The following RASGRP3 variants were observed in gnomAD, a reference collection of about 807,000 sequenced individuals.
RASGRP3 encodes RAS guanyl releasing protein 3.
A neutral mutation model predicts 82.7 loss-of-function variants in RASGRP3; 54 were observed. That is an observed-to-expected ratio of 0.65 (90% CI 0.52 to 0.82). The LOEUF (loss-of-function observed/expected upper bound fraction) is 0.82. RASGRP3 is among the 40% of genes least tolerant of loss of function. RASGRP3 has a pLI of 0.00. For missense variants in RASGRP3, 861 were observed against 828.9 expected (o/e 1.04, Z -0.48); for synonymous variants, 309 against 300.5 (o/e 1.03, Z -0.29).
chr2:33,504,433 C>T (rs1293048280), intron 1 of RASGRP3, among the ~76,000 whole-genome samples: 1 of 152,190 alleles, frequency 6.6e-6, no homozygotes, highest in South Asian at 2.1e-4. Context: ...CTCTACACCT[C>T]CAGCCTATTG....
chr2:33,534,005 G>T, intron 10 of RASGRP3: 3 of 285,402 alleles, frequency 1.1e-5, no homozygotes, highest in East Asian at 6.6e-5. Context: ...CTTATTGTTT[G>T]CATCTGTCCC....
chr2:33,558,432 C>T, intron 16 of RASGRP3, 96 bp downstream of exon 16: 1 of 1,573,002 alleles, frequency 6.4e-7, no homozygotes. Context: ...CCCGGTCAGT[C>T]ACTCTAAACG....
At chr2:33,493,223 T>G (rs1669009978) in intron 1 of RASGRP3, 1 of 152,250 alleles carries the variant, frequency 6.6e-6, no homozygotes, top group Admixed American at 6.5e-5. Context: ...CCTAAACAAC[T>G]GACAATGTGG....
intron 2 of RASGRP3, among the ~76,000 whole-genome samples, chr2:33,450,264 C>A (rs762171621): frequency 6.6e-6 from 1 of 152,058 alleles, no homozygotes; most frequent in Non-Finnish European, 1.5e-5. Flanking sequence ...TAAGATATAT[C>A]CTCTTAGCAA....
chr2:33,468,002 TTCTTTCTTTC>T (rs1666814086), intron 2 of RASGRP3, among the ~76,000 whole-genome samples: 3 of 123,316 alleles, frequency 2.4e-5, no homozygotes, highest in Non-Finnish European at 4.6e-5. Flanking sequence ...CTTTCTTTCT[TTCTTTCTTTC>T]TTTCTTTCTT....
chr2:33,491,036 G>T (rs1051177248), intron 1 of RASGRP3, among the ~76,000 whole-genome samples: 6 of 152,164 alleles, frequency 3.9e-5, no homozygotes, highest in East Asian at 1.9e-4. Flanking sequence ...AACATTTAGA[G>T]CAGGCACGGT....
Position 33,558,672 on chromosome 2 carries a change from C to A in RASGRP3, c.1706C>A (p.Ala569Glu). Residue 569 changes from alanine (A) to glutamate (E), a missense_variant and splice_region_variant, in exon 17 of 18, where the codon GCG (alanine) becomes GAG (glutamate). Physicochemically the swap from Ala to Glu is moderately radical, Grantham distance 107 (BLOSUM62 -1). Transcript: ENST00000403687. ...SLPGSPSLPP[A>E]QDEVFEFPGV... ...AATCACCACCCTTTTTCACTTCCAG[C>A]GCAGGATGAGGTGTTTGAGTTCCCT... The A allele has an allele frequency of 6.3e-7, 1 of 1,587,324 alleles. No homozygotes were observed. The highest frequency in any genetic ancestry group is 8.6e-7 in the Non-Finnish European group (1 of 1,167,672).
chr2:33,483,280 G>A (rs1271607363), intron 1 of RASGRP3, among the ~76,000 whole-genome samples: 2 of 151,982 alleles, frequency 1.3e-5, no homozygotes, highest in Non-Finnish European at 2.9e-5. Flanking sequence ...GTTGGTTCAG[G>A]TGGATCGATC....
rs1676913424 is a variant in RASGRP3, at chr2:33,563,451, G to T, written c.*714G>T. ...CTGCGTCACTAGGAAGCTATAGCAT[G>T]GTCGTGAAAGCTCTCCTAATACTTA... On this transcript the variant is annotated 3_prime_UTR_variant, in exon 18 of 18. Coordinates refer to ENST00000403687, the MANE Select transcript of RASGRP3 (RefSeq NM_001139488.2). 1 of 151,850 alleles carries T rather than the reference G, an allele frequency of 6.6e-6. No homozygotes were observed. Among genetic ancestry groups the T allele is most frequent in the African/African-American group, 2.4e-5 (1 of 41,410 alleles). 9.4% of individuals were successfully genotyped at this position (151,850 alleles called of 1,614,324 possible). A position where few individuals can be genotyped will look rare whatever the true frequency, so the allele number is the denominator to read the frequency against.
intron 1 of RASGRP3, among the ~76,000 whole-genome samples, chr2:33,506,373 G>C (rs1670381582): frequency 6.6e-6 from 1 of 152,182 alleles, no homozygotes; most frequent in African/African-American, 2.4e-5. Flanking sequence ...CTAGTAACAT[G>C]ATACTGGACA....
chr2:33,516,300 C>T (rs1022471616), intron 3 of RASGRP3, among the ~76,000 whole-genome samples: 2 of 152,096 alleles, frequency 1.3e-5, no homozygotes, highest in South Asian at 2.1e-4. Flanking sequence ...CCCAGCTACT[C>T]AGGAGGCTGA....
At chr2:33,449,194 A>G (rs1325228639) in intron 2 of RASGRP3, among the ~76,000 whole-genome samples, 1 of 152,224 alleles carries the variant, frequency 6.6e-6, no homozygotes, top group East Asian at 1.9e-4. Context: ...CAGACATAAG[A>G]TCAGGTGCAT....
intron 2 of RASGRP3, among the ~76,000 whole-genome samples, chr2:33,460,575 C>T (rs891831054): frequency 4.0e-5 from 6 of 149,970 alleles, no homozygotes; most frequent in East Asian, 2.0e-4. Context: ...AGTGCAATGG[C>T]GCGATCTCGG....
At chr2:33,469,121 G>A (rs184116638) in intron 2 of RASGRP3, among the ~76,000 whole-genome samples, 1 of 152,196 alleles carries the variant, frequency 6.6e-6, no homozygotes, top group East Asian at 1.9e-4. Context: ...ACTTTTTCAT[G>A]TGTAGATTGG....
intron 12 of RASGRP3, 129 bp from the exon 13 acceptor site, chr2:33,543,383 T>C (rs1674449565): frequency 1.7e-6 from 1 of 596,290 alleles, no homozygotes; most frequent in Non-Finnish European, 2.9e-6. Flanking sequence ...CTTCTTGACT[T>C]AGTTATCTTT....
At chr2:33,440,687 C>A (rs140786609) in intron 1 of RASGRP3, among the ~76,000 whole-genome samples, 1 of 152,098 alleles carries the variant, frequency 6.6e-6, no homozygotes, top group Non-Finnish European at 1.5e-5. Flanking sequence ...CCTCCAGAAT[C>A]GTTTTTCCCC....
rs1465976442 is a variant in RASGRP3 at position 33,538,983 on chromosome 2, G to C, written c.1162-111G>C. ...GAGCCCAGGAGGCAGAAATTGTAGT[G>C]AGCCGAAATTACACCACTGCACTCC... is the stretch of plus-strand genomic sequence containing the variant. On this transcript the variant is annotated intron_variant, in intron 11 of 17. Transcript: ENST00000403687. The C allele has an allele frequency of 2.6e-5, 19 of 718,254 alleles. No individual in the cohort carries two copies. In the South Asian group the frequency reaches 3.7e-4, roughly 14 times the overall value. 44.5% of individuals were successfully genotyped at this position (718,254 alleles called of 1,614,324 possible). A position where few individuals can be genotyped will look rare whatever the true frequency, so the allele number is the denominator to read the frequency against.
At chr2:33,510,326 T>G (rs1670810135) in intron 1 of RASGRP3, among the ~76,000 whole-genome samples, 3 of 152,232 alleles carry the variant, frequency 2.0e-5, no homozygotes. Context: ...ATATTTCACC[T>G]TATAAATCCT....
intron 1 of RASGRP3, among the ~76,000 whole-genome samples, chr2:33,509,143 G>A (rs955968431): frequency 6.6e-6 from 1 of 152,208 alleles, no homozygotes; most frequent in Admixed American, 6.5e-5. Flanking sequence ...GCTCATGCGT[G>A]TAATCCCAGC....
Sources: allele counts gnomAD v4.1 joint callset (sites outside exome capture counted in the v4.1 genomes callset), GRCh38; gene constraint gnomAD v4.1.1; transcripts MANE v1.5; gene names NCBI Gene and HGNC (gene_info 2026-07-23, HGNC 2026-07-21).